Variants in CNOT7 observed in about 807,000 individuals in gnomAD.
The protein encoded by CNOT7 is BTG1-binding factor 1.
In CNOT7, 4 loss-of-function variants were observed where a neutral mutation model predicts 37.1. That is an observed-to-expected ratio of 0.11 (90% CI 0.05 to 0.25). The LOEUF (loss-of-function observed/expected upper bound fraction) is 0.25. Among genes scored for constraint, CNOT7 ranks in the 10% least tolerant of loss-of-function variants. CNOT7 has a pLI of 1.00. For missense variants in CNOT7, 170 were observed against 336.2 expected (o/e 0.51, Z 3.87); for synonymous variants, 128 against 115.6 (o/e 1.11, Z -0.69).
At chr8:17,239,614 C>A (rs1809865726) in intron 3 of CNOT7, among the ~76,000 whole-genome samples, 1 of 152,196 alleles carries the variant, frequency 6.6e-6, no homozygotes, top group South Asian at 2.1e-4. Context: ...GCCTCAGCCT[C>A]CCGAGTAGCT....
At chr8:17,243,432 A>T in intron 2 of CNOT7, 1 of 622,132 alleles carries the variant, frequency 1.6e-6, no homozygotes, top group South Asian at 1.5e-5. Context: ...AAATTTAACC[A>T]AATACTTACT....
intron 3 of CNOT7, among the ~76,000 whole-genome samples, chr8:17,238,967 T>G (rs1809769140): frequency 6.6e-6 from 1 of 152,206 alleles, no homozygotes; most frequent in Admixed American, 6.5e-5. Context: ...GTGCCTATCT[T>G]TATCCTAACA....
At chr8:17,241,570 T>C (rs1429736967) in intron 3 of CNOT7, 1 of 152,182 alleles carries the variant, frequency 6.6e-6, no homozygotes, top group Admixed American at 6.5e-5. Context: ...GGCACTACCA[T>C]TAATTGCCTA....
intron 4 of CNOT7, among the ~76,000 whole-genome samples, chr8:17,236,634 C>A (rs951305623): frequency 7.9e-5 from 12 of 152,158 alleles, no homozygotes; most frequent in African/African-American, 2.9e-4. Context: ...CATCTCCACA[C>A]CCATCCCTAG....
rs1204436744 is a variant in CNOT7, at chr8:17,228,632, C to T, written c.*2088G>A. 2.6e-5 allele frequency: 4 copies of T among 151,932 alleles called. No homozygotes were observed. Among genetic ancestry groups the T allele is most frequent in the Non-Finnish European group, 4.4e-5 (3 of 67,850 alleles). 9.4% of individuals were successfully genotyped at this position (151,932 alleles called of 1,614,324 possible). A position where few individuals can be genotyped will look rare whatever the true frequency, so the allele number is the denominator to read the frequency against. On this transcript the variant is annotated 3_prime_UTR_variant, in exon 7 of 7. Transcript: ENST00000361272. The stretch of plus-strand genomic sequence containing the variant: ...CTTTTGATGGGGTTACCTCTCAATA[C>T]ACCCACTGTAAAGTTGAAAAATCAT...
intron 5 of CNOT7, among the ~76,000 whole-genome samples, chr8:17,233,439 G>C (rs1441995131): frequency 6.6e-6 from 1 of 152,170 alleles, no homozygotes; most frequent in Non-Finnish European, 1.5e-5. Flanking sequence ...GCTGACTATA[G>C]GTCAAAAAGC....
intron 2 of CNOT7, chr8:17,243,404 A>T: frequency 1.5e-6 from 1 of 645,220 alleles, no homozygotes. Flanking sequence ...AAAAGTTACT[A>T]TACGAGATAC....
In CNOT7 at chr8:17,242,827, C is replaced by G. The variant is rs147198282; in HGVS notation, c.311+165G>C. 2.0e-3 allele frequency: 878 copies of G among 445,412 alleles called. 6 individuals are homozygous for G. Among genetic ancestry groups the G allele is most frequent in the African/African-American group, 9.0e-3 (436 of 48,510 alleles). The allele number at this position is 445,412 out of a possible 1,614,324, so 27.6% of individuals were successfully genotyped here. ...TAACATCAAAGTATTTTTTTTGGTC[C>G]CATAGTAAAAAAGAAAACCACGCTT... On this transcript the variant is annotated intron_variant, in intron 3 of 6. Coordinates refer to ENST00000361272, the MANE Select transcript of CNOT7 (RefSeq NM_013354.7).
At chr8:17,244,694 C>G (rs893124229) in intron 2 of CNOT7, 1 of 182,390 alleles carries the variant, frequency 5.5e-6, no homozygotes, top group Admixed American at 6.2e-5. Flanking sequence ...CAGAATTACC[C>G]CAGCTTCCCG....
At chr8:17,242,223 G>T (rs1233083941) in intron 3 of CNOT7, 1 of 152,102 alleles carries the variant, frequency 6.6e-6, no homozygotes, top group African/African-American at 2.4e-5. Context: ...TTTTATGAAG[G>T]TTACCATGAA....
At chr8:17,240,661 T>C (rs1253409243) in intron 3 of CNOT7, among the ~76,000 whole-genome samples, 3 of 152,164 alleles carry the variant, frequency 2.0e-5, no homozygotes, top group Admixed American at 1.3e-4. Flanking sequence ...GAGATCACAA[T>C]AGTATCTAAT....
intron 4 of CNOT7, among the ~76,000 whole-genome samples, chr8:17,235,295 A>G (rs1265377191): frequency 6.6e-6 from 1 of 152,232 alleles, no homozygotes; most frequent in Non-Finnish European, 1.5e-5. Context: ...CATTCGGTAG[A>G]CAAAAGTAAT....
chr8:17,246,329 G>A (rs1038195881), intron 1 of CNOT7: 1 of 152,296 alleles, frequency 6.6e-6, no homozygotes, highest in Non-Finnish European at 1.5e-5. Flanking sequence ...CAAAGCGCCA[G>A]TGCGAAGGTG....
intron 3 of CNOT7, among the ~76,000 whole-genome samples, chr8:17,238,803 G>C (rs1809742712): frequency 6.6e-6 from 1 of 152,116 alleles, no homozygotes; most frequent in African/African-American, 2.4e-5. Context: ...GCTTTACAAA[G>C]AAACATCAGA....
chr8:17,246,561 G>C (rs1007876023), intron 1 of CNOT7, 114 bp downstream of exon 1: 1 of 153,224 alleles, frequency 6.5e-6, no homozygotes, highest in Non-Finnish European at 1.5e-5. Flanking sequence ...TCCTCCGCCA[G>C]CCGCACTCCA....
In CNOT7 at chr8:17,225,942, G is replaced by A. The variant is rs1321025700; in HGVS notation, c.*4778C>T. 3 of 146,600 alleles carry A rather than the reference G, an allele frequency of 2.0e-5. No individual in the cohort carries two copies. The highest frequency in any genetic ancestry group is 4.5e-5 in the Non-Finnish European group (3 of 66,840). The allele number at this position is 146,600 out of a possible 1,614,324, so 9.1% of individuals were successfully genotyped here. On this transcript the variant is annotated 3_prime_UTR_variant, in exon 7 of 7. Transcript: ENST00000361272. ...TCCACCTCAGGTTGCCTACCCAGAGGAGCCACTGCATTTGGCAATGCAGAT... is the reference window on the plus strand; with the variant it reads ...TCCACCTCAGGTTGCCTACCCAGAGAAGCCACTGCATTTGGCAATGCAGAT...
chr8:17,234,498 G>A (rs1027353107), intron 5 of CNOT7: 1 of 508,506 alleles, frequency 2.0e-6, no homozygotes, highest in Non-Finnish European at 3.5e-6. Flanking sequence ...GAAATGTGTT[G>A]AAAATTCTGC....
rs1808176987 is a variant in CNOT7 at position 17,226,656 on chromosome 8, A to G, written c.*4064T>C. 1 of 151,808 alleles carries G rather than the reference A, an allele frequency of 6.6e-6. No individual in the cohort carries two copies. The highest frequency in any genetic ancestry group is 1.5e-5 in the Non-Finnish European group (1 of 67,756). 9.4% of individuals were successfully genotyped at this position (151,808 alleles called of 1,614,324 possible). On this transcript the variant is annotated 3_prime_UTR_variant, in exon 7 of 7. Coordinates refer to ENST00000361272, the MANE Select transcript of CNOT7 (RefSeq NM_013354.7). ...AAAACTGCTACAGGAAAATATATCCACTAAAAATGGATTTGGCAATACAGC... is the reference window on the plus strand; with the variant it reads ...AAAACTGCTACAGGAAAATATATCCGCTAAAAATGGATTTGGCAATACAGC...
chr8:17,236,183 A>C (rs1290018124), intron 4 of CNOT7, among the ~76,000 whole-genome samples: 1 of 152,240 alleles, frequency 6.6e-6, no homozygotes, highest in Non-Finnish European at 1.5e-5. Flanking sequence ...TACACATCAA[A>C]GTTGCCCACA....
Sources: allele counts gnomAD v4.1 joint callset (sites outside exome capture counted in the v4.1 genomes callset), GRCh38; gene constraint gnomAD v4.1.1; transcripts MANE v1.5; gene names NCBI Gene and HGNC (gene_info 2026-07-23, HGNC 2026-07-21).